The following ACTN4 variants were observed in gnomAD, a reference collection of about 807,000 sequenced individuals.
The protein encoded by ACTN4 is alpha-actinin-4.
In ACTN4, 18 loss-of-function variants were observed where a neutral mutation model predicts 114.2. That is an observed-to-expected ratio of 0.16 (90% CI 0.11 to 0.23). ACTN4 has a LOEUF of 0.23. Ranked by LOEUF, ACTN4 falls within the 10% of genes least tolerant of loss-of-function variation. The pLI, the probability that ACTN4 is intolerant of heterozygous loss-of-function variation, is 1.00. For missense variants in ACTN4, 722 were observed against 1,262.9 expected (o/e 0.57, Z 6.49); for synonymous variants, 515 against 506.3 (o/e 1.02, Z -0.23).
Position 38,681,313 on chromosome 19 carries a change from T to C in ACTN4, c.163-19287T>C, listed in dbSNP as rs924826364. Reference sequence around the variant, plus strand: ...GCCCATGTCTCCCTCAGCAGCCTCCTGACTGGCCTTCTCCAGTCTCCTGGT... The same window carrying C: ...GCCCATGTCTCCCTCAGCAGCCTCCCGACTGGCCTTCTCCAGTCTCCTGGT... On this transcript the variant is annotated intron_variant, in intron 1 of 20. Coordinates refer to ENST00000252699, the MANE Select transcript of ACTN4 (RefSeq NM_004924.6). Among the ~76,000 whole-genome samples, 3 of 152,188 alleles carry C rather than the reference T, an allele frequency of 2.0e-5. No individual in the cohort carries two copies. In the South Asian group the frequency reaches 6.2e-4, roughly 32 times the overall value.
chr19:38,653,670 C>G (rs929927272), intron 1 of ACTN4, among the ~76,000 whole-genome samples: 3 of 152,182 alleles, frequency 2.0e-5, no homozygotes, highest in Non-Finnish European at 4.4e-5. Flanking sequence ...TGTTCCCTTC[C>G]CTCAGTTTCC....
Position 38,730,692 on chromosome 19 carries a change from G to C in ACTN4, c.*1260G>C. ...GTTCTTGTTTCTGAGTGAGGAGTAC[G>C]CAGGCCAGAGTGGTCACCCGGCCGT... On this transcript the variant is annotated 3_prime_UTR_variant, in exon 21 of 21. Transcript: ENST00000252699. 1 of 785,314 alleles carries C rather than the reference G, an allele frequency of 1.3e-6. No individual in the cohort carries two copies. 48.6% of individuals were successfully genotyped at this position (785,314 alleles called of 1,614,324 possible).
At chr19:38,723,543 G>T (rs566351652) in intron 12 of ACTN4, 71 bp from the exon 13 acceptor site, 124 of 1,173,024 alleles carry the variant, frequency 1.1e-4, no homozygotes, top group East Asian at 9.9e-4. Context: ...GGGAACCTTG[G>T]GGGTAGATGG....
chr19:38,683,000 G>A (rs1967626455), intron 1 of ACTN4, among the ~76,000 whole-genome samples: 1 of 152,196 alleles, frequency 6.6e-6, no homozygotes, highest in Admixed American at 6.5e-5. Flanking sequence ...CCACTAGACT[G>A]TAAGTTGCAT....
intron 19 of ACTN4, chr19:38,728,236 T>G (rs2145109927): frequency 6.8e-7 from 1 of 1,462,540 alleles, no homozygotes; most frequent in East Asian, 2.5e-5. Flanking sequence ...CTGTCCTGTC[T>G]GCCTGCTGTG....
intron 1 of ACTN4, among the ~76,000 whole-genome samples, chr19:38,692,966 C>T (rs1967977910): frequency 1.3e-5 from 2 of 152,118 alleles, no homozygotes; most frequent in African/African-American, 4.8e-5. Context: ...TCCCAGGGTG[C>T]TAGGGAGCTC....
rs148781306 is a variant in ACTN4 at position 38,723,651 on chromosome 19, C to T, written c.1480C>T (p.Arg494Trp). The stretch of plus-strand genomic sequence containing the variant: ...CTACGACTCCCACAATGTCAACACC[C>T]GGTGCCAGAAGATCTGTGACCAGTG... ...DYYDSHNVNTRCQKICDQWDA... is the reference protein window; with the variant it reads ...DYYDSHNVNTWCQKICDQWDA... Residue 494 changes from arginine (R) to tryptophan (W), a missense_variant, in exon 13 of 21, where the codon CGG (arginine) becomes TGG (tryptophan). Transcript: ENST00000252699. 1.4e-5 allele frequency: 22 copies of T among 1,613,384 alleles called. No homozygotes were observed. The highest frequency in any genetic ancestry group is 2.2e-5 in the South Asian group (2 of 90,958).
chr19:38,724,987 C>T lies in ACTN4; in HGVS notation c.2010+422C>T, dbSNP rs1281309254. On this transcript the variant is annotated intron_variant, in intron 16 of 20. Transcript: ENST00000252699. The surrounding 1 kb of genome is among the most constrained non-coding windows in gnomAD (Gnocchi z 7.0). ...CTACCTATGGGAGGTGGGTTTGATC[C>T]CTGAATGCCCTGGTCTGATGATTGT... is the stretch of plus-strand genomic sequence containing the variant. 1.3e-5 allele frequency among the ~76,000 whole-genome samples: 2 copies of T among 152,322 alleles called. No homozygotes were observed. Among genetic ancestry groups the T allele is most frequent in the East Asian group, 3.9e-4 (2 of 5,188 alleles).
chr19:38,693,934 C>T (rs1262393246), intron 1 of ACTN4, among the ~76,000 whole-genome samples: 1 of 152,204 alleles, frequency 6.6e-6, no homozygotes, highest in Non-Finnish European at 1.5e-5. Flanking sequence ...TTCTTCCACC[C>T]CCCTTCCCCG....
rs115847302 is a variant in ACTN4, at chr19:38,727,882, C to T, written c.2338-64C>T. ...TCCCCCTGCCCTCTGCATGTGACCC[C>T]GATCCCTCATCCTGGTCTCCACGCC... On this transcript the variant is annotated intron_variant, in intron 18 of 20. Transcript: ENST00000252699. This position sits in a 1 kb window ranked among gnomAD's most constrained non-coding sequence, Gnocchi z 5.4. The T allele has an allele frequency of 1.5e-4, 223 of 1,516,020 alleles. 1 individual carries two copies. The African/African-American group carries it at 2.5e-3, about 17-fold the overall frequency. 93.9% of individuals were successfully genotyped at this position (1,516,020 alleles called of 1,614,324 possible). A position where few individuals can be genotyped will look rare whatever the true frequency, so the allele number is the denominator to read the frequency against.
intron 11 of ACTN4, 127 bp downstream of exon 11, chr19:38,718,201 T>C (rs1227804117): frequency 2.0e-6 from 3 of 1,475,192 alleles, no homozygotes; most frequent in Middle Eastern, 1.7e-4. Context: ...GTGCCCTTTC[T>C]TGCTGCTTGG....
rs1394630659 is a variant in ACTN4 at position 38,724,523 on chromosome 19, C to G, written c.1968C>G (p.Ser656Arg). 6.2e-7 allele frequency: 1 copy of G among 1,613,740 alleles called. No individual in the cohort carries two copies. Among genetic ancestry groups the G allele is most frequent in the Non-Finnish European group, 8.5e-7 (1 of 1,179,990 alleles). ...AGCACCTGCGCCGCCAGTTCGCCAG[C>G]CAGGCCAATGTTGTGGGGCCCTGGA... Reference protein sequence around the residue: ...SNEHLRRQFASQANVVGPWIQ... With the variant: ...SNEHLRRQFARQANVVGPWIQ... The change falls in exon 16 of 21, where the codon AGC becomes AGG. Residue 656 changes from serine (S) to arginine (R), a missense_variant. Around this residue, in one of 3 missense-constraint regions of ACTN4, gnomAD observed 523 missense variants for 875.9 expected, o/e 0.60. Transcript: ENST00000252699. The surrounding 1 kb of genome is among the most constrained non-coding windows in gnomAD (Gnocchi z 7.0).
intron 1 of ACTN4, among the ~76,000 whole-genome samples, chr19:38,673,674 T>TCA (rs1555826361): frequency 1.5e-5 from 1 of 67,598 alleles, no homozygotes. Flanking sequence ...TTATATATAT[T>TCA]TATATATTTA....
chr19:38,660,220 C>T (rs773823801), intron 1 of ACTN4, among the ~76,000 whole-genome samples: 1 of 152,208 alleles, frequency 6.6e-6, no homozygotes, highest in East Asian at 1.9e-4. Flanking sequence ...CCGCCCCCAG[C>T]CTTATTTCTA....
chr19:38,731,043 G>A lies in ACTN4; in HGVS notation c.*1611G>A, dbSNP rs1485861876. 6.4e-7 allele frequency: 1 copy of A among 1,557,646 alleles called. No individual in the cohort carries two copies. Among genetic ancestry groups the A allele is most frequent in the Non-Finnish European group, 8.7e-7 (1 of 1,151,488 alleles). ...AGTGGCCTGTGCAGAGAGGGGCAGG[G>A]TGAGTGCCCACCAGTCCCCGTACCC... is the stretch of plus-strand genomic sequence containing the variant. On this transcript the variant is annotated 3_prime_UTR_variant, in exon 21 of 21. Coordinates refer to ENST00000252699, the MANE Select transcript of ACTN4 (RefSeq NM_004924.6).
chr19:38,701,140 A>G lies in ACTN4; in HGVS notation c.397+19A>G. On this transcript the variant is annotated intron_variant, in intron 3 of 20. Transcript: ENST00000252699. ...GCAGAAGGTGAGCTGGAGGTGGGGCAGCGAGGGTCCTGCTCGGTTTCTGAC... is the reference window on the plus strand; with the variant it reads ...GCAGAAGGTGAGCTGGAGGTGGGGCGGCGAGGGTCCTGCTCGGTTTCTGAC... 1 of 1,613,670 alleles carries G rather than the reference A, an allele frequency of 6.2e-7. No individual in the cohort carries two copies. The highest frequency in any genetic ancestry group is 8.5e-7 in the Non-Finnish European group (1 of 1,180,022).
In ACTN4 at chr19:38,723,524, CCCTGG is replaced by C; in HGVS notation, c.1443-84_1443-80del. On this transcript the variant is annotated intron_variant, in intron 12 of 20. Transcript: ENST00000252699. ...TCCTGGAATGTTGACTGCCCCAACA[CCCTGG>C]CCTGGGAACCTTGGGGGTAGATGGG... 4.3e-6 allele frequency: 4 copies of C among 940,274 alleles called. No homozygotes were observed. The South Asian group carries it at 5.6e-5, about 13-fold the overall frequency. The allele number at this position is 940,274 out of a possible 1,614,324, so 58.2% of individuals were successfully genotyped here.
chr19:38,725,674 T>A (rs183577823), intron 16 of ACTN4, 50 bp from the exon 17 acceptor site: 12 of 1,595,602 alleles, frequency 7.5e-6, no homozygotes, highest in Admixed American at 5.2e-5. Flanking sequence ...AGGTGGTCAG[T>A]GGGGGCAGGC....
intron 2 of ACTN4, 61 bp downstream of exon 2, chr19:38,700,775 C>A: frequency 6.7e-7 from 1 of 1,494,502 alleles, no homozygotes; most frequent in South Asian, 1.1e-5. Flanking sequence ...CCACAGCGGT[C>A]CCCAGAGACC....
Sources: allele counts gnomAD v4.1 joint callset (sites outside exome capture counted in the v4.1 genomes callset), GRCh38; gene constraint gnomAD v4.1.1; regional missense constraint gnomAD v4.1.1; non-coding constraint Gnocchi (gnomAD v3.1); transcripts MANE v1.5; gene names NCBI Gene and HGNC (gene_info 2026-07-23, HGNC 2026-07-21).